MOB3B: variants seen among roughly 807,000 people sequenced by gnomAD.
The protein encoded by MOB3B is MOB kinase activator-like 2B.
A neutral mutation model predicts 18.7 loss-of-function variants in MOB3B; 7 were observed. The ratio of observed to expected loss-of-function variants is 0.37; its 90% confidence interval spans 0.21 to 0.70. The LOEUF (loss-of-function observed/expected upper bound fraction) is 0.70, where lower values mean the gene tolerates loss of function less well. Ranked by LOEUF, MOB3B falls within the 30% of genes least tolerant of loss-of-function variation. MOB3B has a pLI of 0.52. For synonymous variants in MOB3B, 111 were observed against 99.9 expected, an observed-to-expected ratio of 1.11 and a Z score of -0.66; for missense variants, 253 against 281.3, an observed-to-expected ratio of 0.90 and a Z score of 0.72.
chr9:27,354,833 G>A (rs952009220), intron 3 of MOB3B, among the ~76,000 whole-genome samples: 44 of 152,128 alleles, frequency 2.9e-4, no homozygotes, highest in Non-Finnish European at 2.1e-4. Context: ...GGAATCAATC[G>A]TTAAGACAGA....
At chr9:27,498,179 C>G (rs1819929682) in intron 1 of MOB3B, among the ~76,000 whole-genome samples, 1 of 152,144 alleles carries the variant, frequency 6.6e-6, no homozygotes. Context: ...TTCTCACACT[C>G]CAAAAGCGCA....
chr9:27,366,582 C>G (rs569669604), intron 2 of MOB3B, among the ~76,000 whole-genome samples: 4 of 152,164 alleles, frequency 2.6e-5, no homozygotes, highest in Non-Finnish European at 5.9e-5. Flanking sequence ...CTTCGGTTGA[C>G]GAAGGTCCAG....
chr9:27,378,666 G>A (rs1460532413), intron 2 of MOB3B: 2 of 470,950 alleles, frequency 4.2e-6, no homozygotes, highest in Admixed American at 2.4e-5. Flanking sequence ...ATGACTCCCT[G>A]ACCCAGAACC....
intron 1 of MOB3B, among the ~76,000 whole-genome samples, chr9:27,527,312 C>G (rs1163230141): frequency 6.6e-6 from 1 of 152,162 alleles, no homozygotes; most frequent in Non-Finnish European, 1.5e-5. Context: ...CCTTGGGGAT[C>G]ATTTTCATAA....
intron 2 of MOB3B, among the ~76,000 whole-genome samples, chr9:27,395,403 C>T (rs1012710074): frequency 1.6e-4 from 24 of 151,984 alleles, no homozygotes; most frequent in African/African-American, 5.8e-4. Flanking sequence ...ATGTTATACA[C>T]CATAAATACA....
intron 1 of MOB3B, among the ~76,000 whole-genome samples, chr9:27,481,303 G>A (rs1215365309): frequency 6.6e-6 from 1 of 152,112 alleles, no homozygotes; most frequent in African/African-American, 2.4e-5. Context: ...TCAACTAAAT[G>A]CTCCAGCTAA....
At chr9:27,358,974 C>G in intron 3 of MOB3B, 60 bp downstream of exon 3, 2 of 1,544,944 alleles carry the variant, frequency 1.3e-6, no homozygotes, top group South Asian at 2.2e-5. Flanking sequence ...ACAATGCGCT[C>G]TGACAAATGG....
chr9:27,483,187 T>C (rs1427895406), intron 1 of MOB3B, among the ~76,000 whole-genome samples: 9 of 138,868 alleles, frequency 6.5e-5, no homozygotes, highest in Admixed American at 3.4e-4. Context: ...GGCTGGAGTG[T>C]AGTGGCGCCA....
chr9:27,360,369 G>T (rs1277724306), intron 2 of MOB3B, among the ~76,000 whole-genome samples: 3 of 152,190 alleles, frequency 2.0e-5, no homozygotes, highest in Non-Finnish European at 4.4e-5. Flanking sequence ...AGCCGGGCAT[G>T]TGGCGTGCGC....
intron 1 of MOB3B, among the ~76,000 whole-genome samples, chr9:27,500,197 G>C (rs147404823): frequency 5.7e-4 from 86 of 150,266 alleles, no homozygotes; most frequent in African/African-American, 1.9e-3. Flanking sequence ...TCCTTATTTA[G>C]TTTCAAATTC....
chr9:27,330,918 G>A (rs1004266373), intron 3 of MOB3B, among the ~76,000 whole-genome samples: 1 of 152,132 alleles, frequency 6.6e-6, no homozygotes, highest in African/African-American at 2.4e-5. Context: ...AAGAATGGCT[G>A]TCCTCTTCAG....
intron 1 of MOB3B, among the ~76,000 whole-genome samples, chr9:27,487,876 T>C (rs554991494): frequency 6.6e-6 from 1 of 152,228 alleles, no homozygotes; most frequent in Non-Finnish European, 1.5e-5. Flanking sequence ...GTCTTGCTCA[T>C]GGTCTTTTGT....
At chr9:27,507,867 T>C (rs1820083166) in intron 1 of MOB3B, among the ~76,000 whole-genome samples, 1 of 152,252 alleles carries the variant, frequency 6.6e-6, no homozygotes, top group Non-Finnish European at 1.5e-5. Context: ...CTGAAGTGAT[T>C]CTTAGAAATC....
chr9:27,522,724 A>G (rs1483765518), intron 1 of MOB3B, among the ~76,000 whole-genome samples: 2 of 152,004 alleles, frequency 1.3e-5, no homozygotes, highest in Non-Finnish European at 2.9e-5. Context: ...TAGAGGATCA[A>G]TCGCTGAGTC....
chr9:27,462,880 T>C (rs545149788), intron 1 of MOB3B, among the ~76,000 whole-genome samples: 1 of 152,320 alleles, frequency 6.6e-6, no homozygotes, highest in East Asian at 1.9e-4. Context: ...GCAAGAAGAC[T>C]GGAAATTCGA....
At chr9:27,457,315 C>T (rs1285598751) in intron 1 of MOB3B, among the ~76,000 whole-genome samples, 1 of 152,210 alleles carries the variant, frequency 6.6e-6, no homozygotes. Flanking sequence ...CTGATCCACT[C>T]ATAGGTCAAG....
At chr9:27,372,286 T>A (rs1229453046) in intron 2 of MOB3B, among the ~76,000 whole-genome samples, 1 of 152,122 alleles carries the variant, frequency 6.6e-6, no homozygotes, top group Non-Finnish European at 1.5e-5. Flanking sequence ...AAAAAATAGA[T>A]GGAGTAGTTT....
intron 1 of MOB3B, among the ~76,000 whole-genome samples, chr9:27,480,552 A>G (rs1318638118): frequency 1.3e-5 from 2 of 152,100 alleles, no homozygotes; most frequent in African/African-American, 4.8e-5. Flanking sequence ...CGACTGCCTC[A>G]GCCTCCCAAA....
In MOB3B at chr9:27,494,600, C is replaced by T. The variant is rs527379348; in HGVS notation, c.-199+34955G>A. On this transcript the variant is annotated intron_variant, in intron 1 of 3. Coordinates refer to ENST00000262244, the MANE Select transcript of MOB3B (RefSeq NM_024761.5). ...CGCGATCTTGGCTCACTGCAACCTCCGCCCTCTGGGTTTAAGTGATTCTTC... is the reference window on the plus strand; with the variant it reads ...CGCGATCTTGGCTCACTGCAACCTCTGCCCTCTGGGTTTAAGTGATTCTTC... Among the ~76,000 whole-genome samples the T allele has an allele frequency of 9.9e-5, 15 of 152,278 alleles. 1 individual carries two copies. In the South Asian group the frequency reaches 2.5e-3, roughly 25 times the overall value.
Sources: allele counts gnomAD v4.1 joint callset (sites outside exome capture counted in the v4.1 genomes callset), GRCh38; gene constraint gnomAD v4.1.1; transcripts MANE v1.5; gene names NCBI Gene and HGNC (gene_info 2026-07-23, HGNC 2026-07-21).